Variants in EXOC7 observed in about 807,000 individuals in gnomAD.
EXOC7 encodes exocyst complex component 7.
Under a neutral mutation model 87.6 loss-of-function variants are expected in EXOC7, and 51 were observed. That is an observed-to-expected ratio of 0.58 (90% CI 0.46 to 0.73). The LOEUF (loss-of-function observed/expected upper bound fraction) is 0.73. Among genes scored for constraint, EXOC7 ranks in the 30% least tolerant of loss-of-function variants. The pLI is 0.00. For synonymous variants in EXOC7, 327 were observed against 357.1 expected (o/e 0.92, Z 0.95); for missense variants, 744 against 888.4 (o/e 0.84, Z 2.07).
chr17:76,088,120 A>C lies in EXOC7; in HGVS notation c.1302T>G (p.Asn434Lys). Residue 434 changes from asparagine to lysine, a missense_variant and splice_region_variant, in exon 11 of 19, where the codon AAT becomes AAG. Transcript: ENST00000589210. ...ALEDFADNIK[N>K]DPDKEYNMPK... ...GCATGTTGTACTCCTTGTCCGGGTC[A>C]TTCTGTGGAAAAACAGCCTCTGGTT... 1.2e-6 allele frequency: 2 copies of C among 1,613,830 alleles called. No individual in the cohort carries two copies.
chr17:76,093,567 C>G (rs893592551), intron 6 of EXOC7: 3 of 152,820 alleles, frequency 2.0e-5, no homozygotes, highest in African/African-American at 7.2e-5. Context: ...CCCACAGCAG[C>G]AGCTGGACAG....
Position 76,084,233 on chromosome 17 carries a change from AGGAC to A in EXOC7, c.1818+11_1818+14del, listed in dbSNP as rs2067105753. ...AGCAGCAGCAAGCAGTGGAGGGGAGAGGACCCCGACTCACCTTAAAACGCTCCTT... is the reference window on the plus strand; with the variant it reads ...AGCAGCAGCAAGCAGTGGAGGGGAGACCCGACTCACCTTAAAACGCTCCTT... On this transcript the variant is annotated intron_variant, in intron 17 of 18. Coordinates refer to ENST00000589210, the MANE Select transcript of EXOC7 (RefSeq NM_001013839.4). 1.2e-6 allele frequency: 2 copies of A among 1,610,134 alleles called. No homozygotes were observed. Among genetic ancestry groups the A allele is most frequent in the Non-Finnish European group, 1.7e-6 (2 of 1,177,378 alleles).
Position 76,097,840 on chromosome 17 carries a change from A to C in EXOC7, c.596T>G (p.Val199Gly). 1 of 1,613,794 alleles carries C rather than the reference A, an allele frequency of 6.2e-7. No individual in the cohort carries two copies. The highest frequency in any genetic ancestry group is 8.5e-7 in the Non-Finnish European group (1 of 1,179,974). Residue 199 changes from valine (V) to glycine (G), a missense_variant, in exon 5 of 19, where the codon GTC becomes GGC. By Grantham distance (109) the Val-to-Gly change is moderately radical (BLOSUM62 -3). Around this residue, in one of 3 missense-constraint regions of EXOC7, gnomAD observed 512 missense variants for 573.0 expected, o/e 0.89. Coordinates refer to ENST00000589210, the MANE Select transcript of EXOC7 (RefSeq NM_001013839.4). ...EHLPESVLQD[V>G]IRISRWLVEY... Reference sequence around the variant, plus strand: ...CACCAGCCAGCGGGAGATGCGAATGACATCCTGGAGCACGCTCTCGGGCAG... The same window carrying C: ...CACCAGCCAGCGGGAGATGCGAATGCCATCCTGGAGCACGCTCTCGGGCAG...
At chr17:76,090,106 G>A (rs1200307395) in intron 7 of EXOC7, among the ~76,000 whole-genome samples, 1 of 152,248 alleles carries the variant, frequency 6.6e-6, no homozygotes, top group African/African-American at 2.4e-5. Context: ...AGGAGCAGCG[G>A]CTTCTCCCCT....
At chr17:76,098,867 A>G (rs76780287) in intron 4 of EXOC7, among the ~76,000 whole-genome samples, 11 of 40,634 alleles carry the variant, frequency 2.7e-4, no homozygotes, top group African/African-American at 1.5e-3. Context: ...CTCCGTCTCA[A>G]AAAAAAAAAA....
intron 5 of EXOC7, among the ~76,000 whole-genome samples, chr17:76,095,023 T>G (rs1249792779): frequency 6.6e-6 from 1 of 152,170 alleles, no homozygotes; most frequent in Non-Finnish European, 1.5e-5. Context: ...TGCAGTGGTG[T>G]GATCTTGGCT....
intron 2 of EXOC7, among the ~76,000 whole-genome samples, chr17:76,102,417 G>GACACACAC (rs3073225): frequency 3.7e-4 from 53 of 144,128 alleles, no homozygotes; most frequent in South Asian, 9.3e-4. Context: ...TACACACACA[G>GACACACAC]ACACACACAC....
Position 76,082,483 on chromosome 17 carries a change from G to A in EXOC7, c.*1165C>T, listed in dbSNP as rs1266169029. 1.9e-6 allele frequency: 3 copies of A among 1,612,776 alleles called. No individual in the cohort carries two copies. Among genetic ancestry groups the A allele is most frequent in the African/African-American group, 2.7e-5 (2 of 74,922 alleles). On this transcript the variant is annotated 3_prime_UTR_variant, in exon 19 of 19. Coordinates refer to ENST00000589210, the MANE Select transcript of EXOC7 (RefSeq NM_001013839.4). ...CACAGAGCCCTCCAGAGGAGTAAAG[G>A]GGTCACAGAGAAGCTGGCCTGAGAC...
intron 12 of EXOC7, chr17:76,086,783 T>A: frequency 7.2e-7 from 1 of 1,392,776 alleles, no homozygotes; most frequent in Non-Finnish European, 9.9e-7. Flanking sequence ...GTACTGAGAG[T>A]CAGTCCCCAG....
At chr17:76,102,485 CA>C (rs1243026836) in intron 2 of EXOC7, among the ~76,000 whole-genome samples, 1 of 151,760 alleles carries the variant, frequency 6.6e-6, no homozygotes, top group Admixed American at 6.6e-5. Flanking sequence ...TGTGTGCCTA[CA>C]GTCCCAGCTG....
At chr17:76,085,519 CTATGG>C in intron 14 of EXOC7, 110 bp from the exon 15 acceptor site, 2 of 1,504,004 alleles carry the variant, frequency 1.3e-6, no homozygotes, top group Non-Finnish European at 1.8e-6. Context: ...TCCACAAGCT[CTATGG>C]CATCCCACCT....
chr17:76,086,592 G>C (rs926030553), intron 12 of EXOC7, among the ~76,000 whole-genome samples: 1 of 152,180 alleles, frequency 6.6e-6, no homozygotes, highest in Non-Finnish European at 1.5e-5. Flanking sequence ...TGCACAGTGG[G>C]GAAGGCCGAG....
chr17:76,088,894 C>T lies in EXOC7; in HGVS notation c.1077G>A (p.Gly359=). The change falls in exon 9 of 19, where the codon GGG becomes GGA. Residue 359 remains glycine (G), a synonymous_variant. Transcript: ENST00000589210. ...QDALDGLMLE[G]ENIVSAARKA... ...TCCGGGCAGCAGACACGATGTTCTC[C>T]CCTTCAAGCATCAGCCCATCCAGGG... The T allele has an allele frequency of 6.2e-7, 1 of 1,613,498 alleles. No homozygotes were observed. The highest frequency in any genetic ancestry group is 8.5e-7 in the Non-Finnish European group (1 of 1,180,002).
rs779689081 is a variant in EXOC7, at chr17:76,097,905, G to A, written c.531C>T (p.Asp177=). The A allele has an allele frequency of 4.5e-5, 73 of 1,613,796 alleles. No homozygotes were observed. The highest frequency in any genetic ancestry group is 5.8e-5 in the Non-Finnish European group (68 of 1,179,978). ...CGTCCTCCTGGGCCTCCAGATCATC[G>A]TCACCACTGATCAGATCCAAGATGA... ...PVLILDLISG[D]DDLEAQEDVT... The change falls in exon 5 of 19, where the codon GAC becomes GAT. Residue 177 remains aspartate (D), a synonymous_variant. Coordinates refer to ENST00000589210, the MANE Select transcript of EXOC7 (RefSeq NM_001013839.4).
At chr17:76,090,532 G>A in intron 7 of EXOC7, 1 of 1,522,214 alleles carries the variant, frequency 6.6e-7, no homozygotes, top group Non-Finnish European at 8.9e-7. Context: ...GGGGGCATCG[G>A]AGAGGGCCCT....
At chr17:76,087,623 G>A in intron 12 of EXOC7, 31 bp downstream of exon 12, 1 of 1,548,624 alleles carries the variant, frequency 6.5e-7, no homozygotes, top group South Asian at 1.2e-5. Flanking sequence ...AGGCGAGTGG[G>A]GCAGGGGGCC....
chr17:76,100,243 C>T (rs545324617), intron 4 of EXOC7, among the ~76,000 whole-genome samples: 1 of 152,194 alleles, frequency 6.6e-6, no homozygotes, highest in East Asian at 1.9e-4. Context: ...TGGAGTTTCA[C>T]TTGGAGAAGA....
intron 7 of EXOC7, chr17:76,089,533 T>A (rs1002144137): frequency 1.7e-6 from 1 of 601,740 alleles, no homozygotes; most frequent in Admixed American, 3.0e-5. Flanking sequence ...TTGTTCTGGC[T>A]TCATTCTCGG....
chr17:76,086,963 G>C, intron 12 of EXOC7: 1 of 1,393,338 alleles, frequency 7.2e-7, no homozygotes. Context: ...GATGCAAAGT[G>C]CAAAAAACAG....
Sources: allele counts gnomAD v4.1 joint callset (sites outside exome capture counted in the v4.1 genomes callset), GRCh38; gene constraint gnomAD v4.1.1; regional missense constraint gnomAD v4.1.1; transcripts MANE v1.5; gene names NCBI Gene and HGNC (gene_info 2026-07-23, HGNC 2026-07-21).